Variants in SUPV3L1 observed in about 807,000 individuals in gnomAD.
SUPV3L1 encodes Suv3 like RNA helicase, also known as ATP-dependent RNA helicase SUPV3L1, mitochondrial.
SUPV3L1 carries 35 observed loss-of-function variants against 70.0 expected under a neutral mutation model. That is an observed-to-expected ratio of 0.50 (90% confidence interval 0.38 to 0.66). The LOEUF is 0.66. Among genes scored for constraint, SUPV3L1 ranks in the 30% least tolerant of loss-of-function variants. SUPV3L1 has a pLI of 0.00. For missense variants in SUPV3L1, 777 were observed against 961.5 expected (o/e 0.81, Z 2.54); for synonymous variants, 364 against 341.9 (o/e 1.06, Z -0.71).
Position 69,202,976 on chromosome 10 carries a change from T to C in SUPV3L1, c.1709T>C (p.Val570Ala). ...LIQHIPLSLR[V>A]RYVFCTAPIN... is the part of the protein sequence containing the mutation. ...CAGCATATTCCACTAAGTCTGCGAG[T>C]GAGGTATGTTTTCTGCACAGCTCCT... The change falls in exon 13 of 15, where the codon GTG (valine) becomes GCG (alanine). Residue 570 changes from valine to alanine, a missense_variant. Physicochemically the swap from Val to Ala is moderately conservative, Grantham distance 64. This residue lies in a region of SUPV3L1 where 619 missense variants were observed against 823.3 expected (regional missense o/e 0.75). Coordinates refer to ENST00000359655, the MANE Select transcript of SUPV3L1 (RefSeq NM_003171.5). The C allele has an allele frequency of 6.2e-7, 1 of 1,614,076 alleles. No individual in the cohort carries two copies. Among genetic ancestry groups the C allele is most frequent in the Non-Finnish European group, 8.5e-7 (1 of 1,179,994 alleles).
intron 6 of SUPV3L1, chr10:69,192,003 C>G (rs376976817): frequency 1.2e-5 from 4 of 325,314 alleles, no homozygotes; most frequent in African/African-American, 8.5e-5. Flanking sequence ...GACGGGGTTT[C>G]TCCATGTTGG....
At chr10:69,191,232 A>ATTTT (rs11434528) in intron 5 of SUPV3L1, among the ~76,000 whole-genome samples, 10 of 130,150 alleles carry the variant, frequency 7.7e-5, no homozygotes, top group Non-Finnish European at 9.5e-5. Context: ...AGCATTGGGA[A>ATTTT]TTTTTTTTTT....
At chr10:69,184,622 C>CACACACACACAA (rs1842165350) in intron 1 of SUPV3L1, among the ~76,000 whole-genome samples, 1 of 148,178 alleles carries the variant, frequency 6.7e-6, no homozygotes, top group African/African-American at 2.6e-5. Flanking sequence ...TAAATACACA[C>CACACACACACAA]ACACACACAC....
intron 5 of SUPV3L1, among the ~76,000 whole-genome samples, chr10:69,190,363 G>A (rs1451929776): frequency 6.6e-6 from 1 of 151,898 alleles, no homozygotes; most frequent in East Asian, 1.9e-4. Flanking sequence ...GCTACATTTT[G>A]GTTCATTGTT....
chr10:69,185,935 TCAGCA>T, intron 1 of SUPV3L1, 47 bp from the exon 2 acceptor site: 3 of 1,415,860 alleles, frequency 2.1e-6, no homozygotes, highest in Admixed American at 1.8e-5. Flanking sequence ...TTGCTTTTTT[TCAGCA>T]TTTATCTAAG....
chr10:69,181,881 C>G (rs1842073110), intron 1 of SUPV3L1, among the ~76,000 whole-genome samples: 1 of 151,960 alleles, frequency 6.6e-6, no homozygotes. Context: ...AGAAGACATT[C>G]AAACCATAGC....
At position 69,187,649 on chromosome 10, in the gene SUPV3L1, G is replaced by A. The variant is rs148189817; in HGVS notation, c.465G>A (p.Ala155=). 8.9e-5 allele frequency: 143 copies of A among 1,605,194 alleles called. 1 individual carries two copies. In the African/African-American group the frequency reaches 1.6e-3, roughly 18 times the overall value. Residue 155 remains alanine (A), a synonymous_variant, in exon 4 of 15, where the codon GCG becomes GCA. Transcript: ENST00000359655. The stretch of plus-strand genomic sequence containing the variant: ...CAGTGTTTTATTTTCCAGCTCATGC[G>A]GATGATTTATTCCCATTTTTCTTGA... ...LNDICFGAAH[A]DDLFPFFLRH... is the part of the protein sequence containing the mutation.
intron 7 of SUPV3L1, among the ~76,000 whole-genome samples, chr10:69,196,659 A>G (rs1200398350): frequency 1.3e-5 from 2 of 152,088 alleles, no homozygotes; most frequent in Non-Finnish European, 2.9e-5. Flanking sequence ...CAGCGATTCC[A>G]TGGAGCCTAA....
At position 69,200,325 on chromosome 10, in the gene SUPV3L1, C is replaced by T; in HGVS notation, c.1344C>T (p.Ile448=). ...TTTACTCCCTTATAAAGCCCAGTAT[C>T]AATGAAAAGGGAGAGAGAGAACTAG... The part of the protein sequence containing the change: ...IIFYSLIKPS[I]NEKGERELEP... Residue 448 remains isoleucine, a synonymous_variant, in exon 11 of 15, where the codon ATC becomes ATT. Transcript: ENST00000359655. The T allele has an allele frequency of 6.2e-7, 1 of 1,614,074 alleles. No homozygotes were observed. Among genetic ancestry groups the T allele is most frequent in the Non-Finnish European group, 8.5e-7 (1 of 1,180,018 alleles).
chr10:69,198,964 TA>T, intron 9 of SUPV3L1, 139 bp from the exon 10 acceptor site: 2 of 642,798 alleles, frequency 3.1e-6, no homozygotes, highest in South Asian at 2.1e-5. Flanking sequence ...TTTGAGGATA[TA>T]AAGAAATAAA....
At position 69,198,349 on chromosome 10, in the gene SUPV3L1, G is replaced by A. The variant is rs754408662; in HGVS notation, c.1024-23G>A. 5.1e-6 allele frequency: 8 copies of A among 1,563,322 alleles called. No individual in the cohort carries two copies. In the Admixed American group the frequency reaches 1.6e-4, roughly 31 times the overall value. On this transcript the variant is annotated intron_variant, in intron 8 of 14. Coordinates refer to ENST00000359655, the MANE Select transcript of SUPV3L1 (RefSeq NM_003171.5). The stretch of plus-strand genomic sequence containing the variant: ...GAAGTTGAGTTGGGTGTGTCATTTT[G>A]CCATTTCATGTCTTTATTGTAGGTT...
chr10:69,208,062 A>T, intron 14 of SUPV3L1, 121 bp downstream of exon 14: 1 of 1,259,304 alleles, frequency 7.9e-7, no homozygotes, highest in Non-Finnish European at 1.1e-6. Flanking sequence ...TATTATGTCT[A>T]TTGTCCATAA....
chr10:69,180,683 C>T, intron 1 of SUPV3L1, 121 bp downstream of exon 1: 14 of 1,349,360 alleles, frequency 1.0e-5, no homozygotes, highest in South Asian at 1.3e-5. Flanking sequence ...TGTCATCGTG[C>T]CTCTCAGTGT....
chr10:69,187,718 T>G lies in SUPV3L1; in HGVS notation c.534T>G (p.Asp178Glu). Reference sequence around the variant, plus strand: ...TTCCTGTGTTGGACTGTAAGGATGATCTACGTAAAATCAGTGACTTAAGAA... The same window carrying G: ...TTCCTGTGTTGGACTGTAAGGATGAGCTACGTAAAATCAGTGACTTAAGAA... ...QIFPVLDCKD[D>E]LRKISDLRIP... The change falls in exon 4 of 15, where the codon GAT becomes GAG. Residue 178 changes from aspartate to glutamate, a missense_variant. Transcript: ENST00000359655. 6.2e-7 allele frequency: 1 copy of G among 1,612,582 alleles called. No individual in the cohort carries two copies. Among genetic ancestry groups the G allele is most frequent in the South Asian group, 1.1e-5 (1 of 90,476 alleles).
chr10:69,205,300 C>T (rs536377482), intron 13 of SUPV3L1, among the ~76,000 whole-genome samples: 2 of 152,334 alleles, frequency 1.3e-5, no homozygotes, highest in East Asian at 3.9e-4. Flanking sequence ...CCATTCACAC[C>T]ATCCTTTAAA....
intron 1 of SUPV3L1, chr10:69,182,464 G>C: frequency 1.1e-6 from 1 of 927,974 alleles, no homozygotes; most frequent in Non-Finnish European, 1.3e-6. Flanking sequence ...AGGTAATTTG[G>C]ATGAGATAAT....
chr10:69,186,106 T>TA, intron 2 of SUPV3L1, 42 bp downstream of exon 2: 1 of 1,554,942 alleles, frequency 6.4e-7, no homozygotes, highest in Non-Finnish European at 8.9e-7. Flanking sequence ...TTATTACCTC[T>TA]TACGGTACAG....
At chr10:69,196,857 A>T (rs1233322881) in intron 7 of SUPV3L1, 135 bp from the exon 8 acceptor site, 1 of 653,768 alleles carries the variant, frequency 1.5e-6, no homozygotes, top group African/African-American at 1.8e-5. Context: ...TTTGCATCAG[A>T]GATAATATTT....
At position 69,180,257 on chromosome 10, in the gene SUPV3L1, C is replaced by T. The variant is rs375656947; in HGVS notation, c.-35C>T. On this transcript the variant is annotated 5_prime_UTR_variant, in exon 1 of 15. Coordinates refer to ENST00000359655, the MANE Select transcript of SUPV3L1 (RefSeq NM_003171.5). ...GCGTCACTGTCCGCCGCCGTGTCCG[C>T]GGCTGCGCCAGACAGTGTAGAACCT... 1.2e-5 allele frequency: 19 copies of T among 1,589,758 alleles called. No individual in the cohort carries two copies. The African/African-American group carries it at 2.2e-4, about 18-fold the overall frequency.
Sources: allele counts gnomAD v4.1 joint callset (sites outside exome capture counted in the v4.1 genomes callset), GRCh38; gene constraint gnomAD v4.1.1; regional missense constraint gnomAD v4.1.1; transcripts MANE v1.5; gene names NCBI Gene and HGNC (gene_info 2026-07-23, HGNC 2026-07-21).